SLC5A4: variants seen among roughly 807,000 people sequenced by gnomAD.
SLC5A4 encodes solute carrier family 5 member 4, also known as probable glucose sensor protein SLC5A4.
Under a neutral mutation model 70.3 loss-of-function variants are expected in SLC5A4, and 55 were observed. The observed-to-expected ratio is 0.78, with a 90% CI of 0.63 to 0.98. The LOEUF is 0.98. SLC5A4 is among the 50% of genes least tolerant of loss of function. SLC5A4 has a pLI of 0.00. For synonymous variants in SLC5A4, 268 were observed against 305.7 expected (o/e 0.88, Z 1.29); for missense variants, 735 against 839.2 (o/e 0.88, Z 1.53).
At chr22:32,247,780 G>A (rs1053566729) in intron 4 of SLC5A4, among the ~76,000 whole-genome samples, 23 of 152,214 alleles carry the variant, frequency 1.5e-4, no homozygotes, top group Non-Finnish European at 3.4e-4. Context: ...CCAATCTGCA[G>A]ATCTCACTTT....
At chr22:32,311,716 T>C in the SLC5A4 span, among the ~76,000 whole-genome samples, 1 of 152,128 alleles carries the variant, frequency 6.6e-6, no homozygotes, top group Non-Finnish European at 1.5e-5. Flanking sequence ...TCTGTCCCCA[T>C]CACTGCCCAG....
upstream of SLC5A4, among the ~76,000 whole-genome samples, chr22:32,258,133 C>G (rs976515262): frequency 2.6e-5 from 4 of 152,118 alleles, no homozygotes; most frequent in African/African-American, 7.2e-5. Flanking sequence ...GGATTACAGG[C>G]ATGCACCACC....
At chr22:32,272,349 G>A in the SLC5A4 span, 19 of 853,988 alleles carry the variant, frequency 2.2e-5, no homozygotes, top group African/African-American at 9.9e-5. Flanking sequence ...ACCTGGTGTC[G>A]GCCATCAGCC....
At chr22:32,244,703 T>A (rs1926721987) in intron 5 of SLC5A4, among the ~76,000 whole-genome samples, 1 of 152,110 alleles carries the variant, frequency 6.6e-6, no homozygotes, top group South Asian at 2.1e-4. Flanking sequence ...AAATAATTTT[T>A]TTTTTGGTAG....
At chr22:32,272,346 G>A in the SLC5A4 span, 2 of 850,048 alleles carry the variant, frequency 2.4e-6, no homozygotes, top group Non-Finnish European at 2.0e-6. Flanking sequence ...GCCACCTGGT[G>A]TCGGCCATCA....
the SLC5A4 span, among the ~76,000 whole-genome samples, chr22:32,322,550 C>A: frequency 3.3e-5 from 5 of 149,900 alleles, no homozygotes; most frequent in African/African-American, 1.2e-4. Context: ...TGCGCCACTG[C>A]ACTCCAGCCT....
At chr22:32,321,794 G>T in the SLC5A4 span, among the ~76,000 whole-genome samples, 4 of 152,192 alleles carry the variant, frequency 2.6e-5, no homozygotes, top group African/African-American at 9.7e-5. Flanking sequence ...CAAAGGACAT[G>T]ATCTTGTTCT....
At chr22:32,336,781 C>A in the SLC5A4 span, among the ~76,000 whole-genome samples, 1 of 152,200 alleles carries the variant, frequency 6.6e-6, no homozygotes, top group East Asian at 1.9e-4. Flanking sequence ...CCAAGCAAAG[C>A]CAGGGCAGGG....
the SLC5A4 span, among the ~76,000 whole-genome samples, chr22:32,322,231 C>T: frequency 6.6e-6 from 1 of 152,156 alleles, no homozygotes; most frequent in Admixed American, 6.5e-5. Context: ...AAGGGAAGCG[C>T]GTCCTCACCT....
rs1209979263 is a variant in SLC5A4 at position 32,239,558 on chromosome 22, A to ATATATATATATT, written c.478-480_478-469dup. The stretch of plus-strand genomic sequence containing the variant: ...TATATATATATATATATATATATAT[A>ATATATATATATT]TATATATATATTTATATATATATTT... On this transcript the variant is annotated intron_variant, in intron 5 of 14. Transcript: ENST00000266086. Among the ~76,000 whole-genome samples the ATATATATATATT allele has an allele frequency of 1.9e-3, 47 of 24,934 alleles. 1 individual carries two copies. Among genetic ancestry groups the ATATATATATATT allele is most frequent in the Middle Eastern group, 0.013 (1 of 78 alleles). 16.4% of individuals were successfully genotyped at this position (24,934 alleles called of 152,430 possible). A position where few individuals can be genotyped will look rare whatever the true frequency, so the allele number is the denominator to read the frequency against.
chr22:32,331,968 A>C, the SLC5A4 span, among the ~76,000 whole-genome samples: 1 of 151,736 alleles, frequency 6.6e-6, no homozygotes, highest in East Asian at 1.9e-4. Context: ...CATCTTGGAA[A>C]ATCTCCCAGG....
At chr22:32,218,887 CA>C (rs1284882372) in intron 14 of SLC5A4, among the ~76,000 whole-genome samples, 162 bp from the exon 15 acceptor site, 2 of 152,100 alleles carry the variant, frequency 1.3e-5, no homozygotes, top group African/African-American at 4.8e-5. Flanking sequence ...CATATAAAAA[CA>C]GGCGACTTTT....
the SLC5A4 span, among the ~76,000 whole-genome samples, chr22:32,260,476 C>T: frequency 6.6e-6 from 1 of 151,668 alleles, no homozygotes; most frequent in African/African-American, 2.4e-5. Context: ...AGCTGTATTC[C>T]CCCAACACCA....
At chr22:32,342,427 TAACTA>T in the SLC5A4 span, among the ~76,000 whole-genome samples, 49 of 152,124 alleles carry the variant, frequency 3.2e-4, no homozygotes, top group Non-Finnish European at 6.6e-4. Context: ...CTGGTAGATA[TAACTA>T]TAGAGAGAAA....
the SLC5A4 span, chr22:32,272,970 G>T: frequency 1.9e-6 from 1 of 539,542 alleles, no homozygotes; most frequent in Non-Finnish European, 3.7e-6. Context: ...ATGCTGTGCT[G>T]CAAGCTGCAC....
chr22:32,331,109 T>TGGTGTG, the SLC5A4 span, among the ~76,000 whole-genome samples: 9 of 115,236 alleles, frequency 7.8e-5, 3 homozygotes, highest in Non-Finnish European at 1.2e-4. Context: ...TTGGAGGCTC[T>TGGTGTG]TGTGTGTGTT....
chr22:32,312,056 G>A, the SLC5A4 span, among the ~76,000 whole-genome samples: 1 of 152,226 alleles, frequency 6.6e-6, no homozygotes, highest in South Asian at 2.1e-4. Flanking sequence ...GTGGTGAGAG[G>A]GAGAGTGCAT....
the SLC5A4 span, among the ~76,000 whole-genome samples, chr22:32,275,533 C>T: frequency 2.0e-5 from 3 of 152,192 alleles, no homozygotes; most frequent in African/African-American, 7.2e-5. Flanking sequence ...CACGTCCCTA[C>T]AAAGGACATG....
At chr22:32,353,653 A>AC in the SLC5A4 span, among the ~76,000 whole-genome samples, 1 of 146,580 alleles carries the variant, frequency 6.8e-6, no homozygotes, top group African/African-American at 2.5e-5. Flanking sequence ...CCAACACCTC[A>AC]CCCCCAACCA....
Sources: gnomAD v4.1 joint callset for allele counts (sites outside exome capture counted in the v4.1 genomes callset) on GRCh38, gnomAD v4.1.1 for gene constraint, MANE v1.5 for transcripts, NCBI Gene and HGNC (gene_info 2026-07-23, HGNC 2026-07-21) for gene names.